SMG7: variants seen among roughly 807,000 people sequenced by gnomAD.
SMG7 encodes the protein nonsense-mediated mRNA decay factor SMG7.
Under a neutral mutation model 148.2 loss-of-function variants are expected in SMG7, and 34 were observed. The ratio of observed to expected loss-of-function variants is 0.23; its 90% confidence interval spans 0.17 to 0.31. The LOEUF (loss-of-function observed/expected upper bound fraction) is 0.31. Ranked by LOEUF, SMG7 falls within the 10% of genes least tolerant of loss-of-function variation. SMG7 has a pLI of 1.00. For missense variants in SMG7, 1,114 were observed against 1,408.4 expected (o/e 0.79, Z 3.35); for synonymous variants, 492 against 515.1 (o/e 0.96, Z 0.61).
chr1:183,483,326 A>G (rs541998355), intron 1 of SMG7, among the ~76,000 whole-genome samples: 1 of 152,232 alleles, frequency 6.6e-6, no homozygotes, highest in African/African-American at 2.4e-5. Flanking sequence ...TGCCTCTTAG[A>G]AAGGTTACGA....
chr1:183,527,446 G>A lies in SMG7; in HGVS notation c.485-510G>A, dbSNP rs556294283. On this transcript the variant is annotated intron_variant, in intron 5 of 22. Transcript: ENST00000688051. The surrounding 1 kb of genome is among the most constrained non-coding windows in gnomAD (Gnocchi z 4.0). ...CACATCAGAGTAAGCAGTGAGTTTGGCAGGGAGATTCATTGATACTGTGTT... is the reference window on the plus strand; with the variant it reads ...CACATCAGAGTAAGCAGTGAGTTTGACAGGGAGATTCATTGATACTGTGTT... Among the ~76,000 whole-genome samples, 1 of 152,270 alleles carries A rather than the reference G, an allele frequency of 6.6e-6. No homozygotes were observed. Among genetic ancestry groups the A allele is most frequent in the East Asian group, 1.9e-4 (1 of 5,180 alleles).
chr1:183,495,871 GAA>G (rs778006636), intron 1 of SMG7, among the ~76,000 whole-genome samples: 17 of 135,502 alleles, frequency 1.3e-4, no homozygotes, highest in African/African-American at 4.1e-4. Context: ...TTTCTCAATG[GAA>G]AAAAAAAAAA....
In SMG7 at chr1:183,546,268, C is replaced by A. The variant is rs1253451822; in HGVS notation, c.2673C>A (p.Asp891Glu). 1 of 1,614,000 alleles carries A rather than the reference C, an allele frequency of 6.2e-7. No homozygotes were observed. Among genetic ancestry groups the A allele is most frequent in the Admixed American group, 1.7e-5 (1 of 59,994 alleles). ...RSVMAQQANI[D>E]RRGKRSPGVF... ...TAATGGCACAGCAAGCAAACATAGA[C>A]CGCAGGGGCAAACGGTCACCAGGAG... Residue 891 changes from aspartate (D) to glutamate (E), a missense_variant, in exon 17 of 23, where the codon GAC becomes GAA. Physicochemically the swap from Asp to Glu is conservative, Grantham distance 45. This residue lies in a region of SMG7 where 788 missense variants were observed against 894.5 expected (regional missense o/e 0.88). Transcript: ENST00000688051.
Position 183,553,029 on chromosome 1 carries a change from A to T in SMG7, c.*1098A>T. On this transcript the variant is annotated 3_prime_UTR_variant, in exon 23 of 23. Coordinates refer to ENST00000688051, the MANE Select transcript of SMG7 (RefSeq NM_001375584.1). ...GGGCCCAAAAGACAGTCTGAAGAGG[A>T]AGGAAGCAGCAGTATCTGCGTAGCC... is the stretch of plus-strand genomic sequence containing the variant. 6.5e-7 allele frequency: 1 copy of T among 1,536,294 alleles called. No homozygotes were observed. The highest frequency in any genetic ancestry group is 8.7e-7 in the Non-Finnish European group (1 of 1,146,932).
chr1:183,520,571 G>A (rs1432450592), intron 4 of SMG7, among the ~76,000 whole-genome samples: 2 of 152,134 alleles, frequency 1.3e-5, no homozygotes, highest in Admixed American at 1.3e-4. Flanking sequence ...CTAAAGTAGG[G>A]GGAGTAGGAA....
At chr1:183,551,335 T>C (rs1671017134) in intron 22 of SMG7, 145 bp downstream of exon 22, 1 of 727,830 alleles carries the variant, frequency 1.4e-6, no homozygotes, top group African/African-American at 1.8e-5. Context: ...AAACATGGTC[T>C]GCCTTACAAG....
intron 1 of SMG7, among the ~76,000 whole-genome samples, chr1:183,490,827 C>G (rs1656775137): frequency 6.6e-6 from 1 of 152,160 alleles, no homozygotes; most frequent in Admixed American, 6.5e-5. Flanking sequence ...ACTCTGTCGC[C>G]CAGGTTGGAG....
In SMG7 at chr1:183,551,050, G is replaced by A. The variant is rs749821785; in HGVS notation, c.3310G>A (p.Gly1104Ser). 2.5e-6 allele frequency: 4 copies of A among 1,613,882 alleles called. No homozygotes were observed. The highest frequency in any genetic ancestry group is 3.4e-6 in the Non-Finnish European group (4 of 1,179,986). Residue 1104 changes from glycine (G) to serine (S), a missense_variant, in exon 22 of 23, where the codon GGT becomes AGT. Gly to Ser is a moderately conservative substitution (Grantham distance 56, BLOSUM62 0). Coordinates refer to ENST00000688051, the MANE Select transcript of SMG7 (RefSeq NM_001375584.1). ...TATCTCTTTTCATCCCTTAGCCATG[G>A]GTGGGTTTGGCATTGATTATCTCTC... ...DRWKTDKPAM[G>S]GFGIDYLSAT...
At chr1:183,551,295 A>G in intron 22 of SMG7, 105 bp downstream of exon 22, 1 of 1,073,596 alleles carries the variant, frequency 9.3e-7, no homozygotes. Context: ...GAGTTGACTG[A>G]TACATAGCAC....
intron 1 of SMG7, among the ~76,000 whole-genome samples, chr1:183,503,419 TAAA>T (rs925952317): frequency 6.6e-6 from 1 of 151,294 alleles, no homozygotes; most frequent in South Asian, 2.1e-4. Context: ...TGGAGAAAAA[TAAA>T]AAAAAATAAC....
intron 1 of SMG7, among the ~76,000 whole-genome samples, chr1:183,485,528 G>T (rs1417435384): frequency 6.6e-6 from 1 of 152,102 alleles, no homozygotes; most frequent in Non-Finnish European, 1.5e-5. Context: ...TGTTCTTTCT[G>T]CAGGTTTTGT....
At chr1:183,488,446 G>T (rs1571788653) in intron 1 of SMG7, among the ~76,000 whole-genome samples, 1 of 152,190 alleles carries the variant, frequency 6.6e-6, no homozygotes, top group African/African-American at 2.4e-5. Context: ...ACTCCAGTAG[G>T]TTATCAGTAA....
In SMG7 at chr1:183,553,444, G is replaced by C. The variant is rs1360936186; in HGVS notation, c.*1513G>C. The stretch of plus-strand genomic sequence containing the variant: ...CCCATCTGCTGTCCCAGAGGGGAGG[G>C]GTTGTGTGTGCGAGTGTATGGAGTT... On this transcript the variant is annotated 3_prime_UTR_variant, in exon 23 of 23. Transcript: ENST00000688051. 1 of 482,420 alleles carries C rather than the reference G, an allele frequency of 2.1e-6. No homozygotes were observed. The highest frequency in any genetic ancestry group is 3.8e-6 in the Non-Finnish European group (1 of 264,692). 29.9% of individuals were successfully genotyped at this position (482,420 alleles called of 1,614,324 possible). A position where few individuals can be genotyped will look rare whatever the true frequency, so the allele number is the denominator to read the frequency against.
At position 183,472,601 on chromosome 1, in the gene SMG7, C is replaced by CGCG. The variant is rs747073167; in HGVS notation, c.-6_-4dup. 1,056 of 1,436,734 alleles carry CGCG rather than the reference C, an allele frequency of 7.3e-4. 2 individuals are homozygous for CGCG. Among genetic ancestry groups the CGCG allele is most frequent in the Admixed American group, 3.9e-3 (163 of 42,302 alleles). The allele number at this position is 1,436,734 out of a possible 1,614,324, so 89.0% of individuals were successfully genotyped here. On this transcript the variant is annotated 5_prime_UTR_variant, in exon 1 of 23. Transcript: ENST00000688051. ...GACCCACGGAGGCTTCGCGGGAAGA[C>CGCG]GCGGCGGCGGCGGCGGAGGATGAGC...
chr1:183,502,689 A>G (rs1660007474), intron 1 of SMG7, among the ~76,000 whole-genome samples: 1 of 152,172 alleles, frequency 6.6e-6, no homozygotes, highest in Non-Finnish European at 1.5e-5. Flanking sequence ...TATTTATGAT[A>G]AACGTAGGGA....
chr1:183,546,341 T>C lies in SMG7; in HGVS notation c.2742+4T>C, dbSNP rs1181163633. The C allele has an allele frequency of 1.4e-5, 22 of 1,603,502 alleles. No homozygotes were observed. Among genetic ancestry groups the C allele is most frequent in the Admixed American group, 1.0e-4 (6 of 58,956 alleles). On this transcript the variant is annotated splice_donor_region_variant and intron_variant, in intron 17 of 22. Coordinates refer to ENST00000688051, the MANE Select transcript of SMG7 (RefSeq NM_001375584.1). ...TGTACCCAGAATGCCGTTTGAGGTG[T>C]GTGTTCTTTCCTATCACCAGGCAAT...
Position 183,533,020 on chromosome 1 carries a change from C to T in SMG7, c.844-144C>T, listed in dbSNP as rs999322222. The T allele has an allele frequency of 8.0e-6, 5 of 622,088 alleles. No homozygotes were observed. The East Asian group carries it at 8.6e-5, about 11-fold the overall frequency. 38.5% of individuals were successfully genotyped at this position (622,088 alleles called of 1,614,324 possible). ...GAAATAATTAGACCCAGTCAAAATA[C>T]TGGGATTGAGGGCAGAACCATTTAC... is the stretch of plus-strand genomic sequence containing the variant. On this transcript the variant is annotated intron_variant, in intron 8 of 22. Transcript: ENST00000688051.
At chr1:183,488,575 G>C (rs1349442482) in intron 1 of SMG7, among the ~76,000 whole-genome samples, 1 of 151,876 alleles carries the variant, frequency 6.6e-6, no homozygotes, top group Non-Finnish European at 1.5e-5. Context: ...TGTGTCAAGT[G>C]CTCATGTGGC....
chr1:183,517,578 C>T (rs745984111), intron 3 of SMG7, 110 bp from the exon 4 acceptor site: 3 of 1,004,804 alleles, frequency 3.0e-6, no homozygotes, highest in South Asian at 1.3e-5. Flanking sequence ...TGCAGGTTTA[C>T]TGTCTCGTGT....
Sources: gnomAD v4.1 joint callset for allele counts (sites outside exome capture counted in the v4.1 genomes callset) on GRCh38, gnomAD v4.1.1 for gene constraint, gnomAD v4.1.1 regional missense constraint, Gnocchi (gnomAD v3.1) non-coding constraint, MANE v1.5 for transcripts, NCBI Gene and HGNC (gene_info 2026-07-23, HGNC 2026-07-21) for gene names.